PARD3: variants seen among roughly 807,000 people sequenced by gnomAD.
The protein encoded by PARD3 is par-3 family cell polarity regulator.
PARD3 carries 75 observed loss-of-function variants against 155.4 expected under a neutral mutation model. That is an observed-to-expected ratio of 0.48 (90% CI 0.40 to 0.58). The LOEUF is 0.58. Among genes scored for constraint, PARD3 ranks in the 20% least tolerant of loss-of-function variants. The pLI is 0.00. For missense variants in PARD3, 1,642 were observed against 1,721.7 expected (o/e 0.95, Z 0.82); for synonymous variants, 576 against 610.5 (o/e 0.94, Z 0.83).
intron 5 of PARD3, among the ~76,000 whole-genome samples, chr10:34,416,559 T>G (rs929302577): frequency 6.6e-6 from 1 of 152,164 alleles, no homozygotes; most frequent in Non-Finnish European, 1.5e-5. Context: ...CTCAGGCATC[T>G]TTGCACCTAC....
intron 7 of PARD3, among the ~76,000 whole-genome samples, chr10:34,396,621 A>G (rs1300965372): frequency 6.6e-6 from 1 of 152,204 alleles, no homozygotes; most frequent in Non-Finnish European, 1.5e-5. Context: ...CACTTTTATA[A>G]AAGTAAGTAT....
rs1262590058 is a variant in PARD3 at position 34,378,156 on chromosome 10, T to A, written c.1400-50A>T. 10 of 1,433,586 alleles carry A rather than the reference T, an allele frequency of 7.0e-6. No individual in the cohort carries two copies. The African/African-American group carries it at 1.5e-4, about 21-fold the overall frequency. 88.8% of individuals were successfully genotyped at this position (1,433,586 alleles called of 1,614,324 possible). ...GTAAATAAAATGAGATATCTTGAAT[T>A]TTACAGGTGTATTGCACCAGTATAC... is the stretch of plus-strand genomic sequence containing the variant. On this transcript the variant is annotated intron_variant, in intron 9 of 24. Coordinates refer to ENST00000374788, the MANE Select transcript of PARD3 (RefSeq NM_001184785.2).
At chr10:34,479,476 T>C (rs542144850) in intron 3 of PARD3, among the ~76,000 whole-genome samples, 1 of 152,338 alleles carries the variant, frequency 6.6e-6, no homozygotes, top group East Asian at 1.9e-4. Context: ...CTTTAAATTT[T>C]TTTTAAAGCA....
rs763060663 is a variant in PARD3, at chr10:34,284,265, C to T, written c.3066-20G>A. The T allele has an allele frequency of 5.6e-6, 8 of 1,428,828 alleles. No individual in the cohort carries two copies. In the East Asian group the frequency reaches 1.8e-4, roughly 33 times the overall value. The allele number at this position is 1,428,828 out of a possible 1,614,324, so 88.5% of individuals were successfully genotyped here. A position where few individuals can be genotyped will look rare whatever the true frequency, so the allele number is the denominator to read the frequency against. ...CCAAACCTGTTAATAACAAAAAATT[C>T]TAACTTGTCAATATATACAAAATGA... On this transcript the variant is annotated intron_variant, in intron 20 of 24. Transcript: ENST00000374788.
intron 1 of PARD3, among the ~76,000 whole-genome samples, chr10:34,778,846 G>A (rs1044433680): frequency 3.9e-5 from 6 of 152,260 alleles, no homozygotes; most frequent in East Asian, 3.9e-4. Context: ...TTCACCTATC[G>A]TTTCCTTAAC....
chr10:34,323,727 C>A (rs1958515798), intron 19 of PARD3, among the ~76,000 whole-genome samples: 1 of 152,204 alleles, frequency 6.6e-6, no homozygotes, highest in South Asian at 2.1e-4. Flanking sequence ...AAAATGCTCC[C>A]ACAGATAATG....
chr10:34,218,049 C>T (rs571318017), intron 22 of PARD3, among the ~76,000 whole-genome samples: 28 of 152,226 alleles, frequency 1.8e-4, no homozygotes, highest in African/African-American at 6.3e-4. Flanking sequence ...CAGGCACCTC[C>T]TGCACGCCCC....
At chr10:34,463,504 A>G (rs1564742292) in intron 4 of PARD3, among the ~76,000 whole-genome samples, 1 of 152,210 alleles carries the variant, frequency 6.6e-6, no homozygotes, top group Non-Finnish European at 1.5e-5. Flanking sequence ...ATTTTCAGTT[A>G]TATTTTTGTA....
intron 1 of PARD3, among the ~76,000 whole-genome samples, chr10:34,801,921 A>C (rs1842869320): frequency 6.6e-6 from 1 of 152,258 alleles, no homozygotes; most frequent in South Asian, 2.1e-4. Flanking sequence ...ACTAGTTAAT[A>C]AACACTAAAG....
At chr10:34,756,872 A>AT (rs1836811553) in intron 1 of PARD3, among the ~76,000 whole-genome samples, 1 of 152,134 alleles carries the variant, frequency 6.6e-6, no homozygotes, top group South Asian at 2.1e-4. Flanking sequence ...CTGCTAACAG[A>AT]TTTTTCAACC....
intron 2 of PARD3, among the ~76,000 whole-genome samples, chr10:34,654,756 C>T (rs2093117709): frequency 6.6e-6 from 1 of 152,172 alleles, no homozygotes; most frequent in Non-Finnish European, 1.5e-5. Context: ...CGCAGACACT[C>T]TGCCGTGATA....
intron 5 of PARD3, among the ~76,000 whole-genome samples, chr10:34,447,549 T>C (rs568254080): frequency 8.8e-6 from 1 of 113,846 alleles, no homozygotes; most frequent in Non-Finnish European, 1.7e-5. Context: ...ACACCTGCAA[T>C]CCCAGCACTT....
At chr10:34,561,935 T>C (rs1359140473) in intron 2 of PARD3, among the ~76,000 whole-genome samples, 4 of 150,338 alleles carry the variant, frequency 2.7e-5, no homozygotes, top group Non-Finnish European at 5.9e-5. Context: ...GGTTCAAGAC[T>C]GGCCTGGCCA....
chr10:34,602,842 T>G (rs565123324), intron 2 of PARD3, among the ~76,000 whole-genome samples: 1 of 152,250 alleles, frequency 6.6e-6, no homozygotes, highest in Non-Finnish European at 1.5e-5. Flanking sequence ...TCACTATATA[T>G]CCTCTTGAAT....
chr10:34,544,607 T>C (rs1435779046), intron 2 of PARD3, among the ~76,000 whole-genome samples: 4 of 152,170 alleles, frequency 2.6e-5, no homozygotes, highest in African/African-American at 4.8e-5. Flanking sequence ...AATGTAAATA[T>C]TCAGGCCCCA....
At chr10:34,639,855 G>GACAC (rs139829298) in intron 2 of PARD3, among the ~76,000 whole-genome samples, 10 of 150,316 alleles carry the variant, frequency 6.7e-5, no homozygotes, top group African/African-American at 9.7e-5. Context: ...AACAGAGTAA[G>GACAC]ACACACACAC....
intron 22 of PARD3, among the ~76,000 whole-genome samples, chr10:34,170,159 C>A (rs1949719250): frequency 1.3e-5 from 2 of 152,316 alleles, no homozygotes; most frequent in East Asian, 1.9e-4. Flanking sequence ...GCAATCATAG[C>A]CTACTGCAGC....
intron 2 of PARD3, among the ~76,000 whole-genome samples, chr10:34,539,845 T>C (rs1274887384): frequency 6.6e-6 from 1 of 152,176 alleles, no homozygotes; most frequent in African/African-American, 2.4e-5. Flanking sequence ...GGCGGGAGTG[T>C]GTACACCAAA....
chr10:34,651,598 C>T (rs577292907), intron 2 of PARD3, among the ~76,000 whole-genome samples: 2 of 152,336 alleles, frequency 1.3e-5, no homozygotes, highest in African/African-American at 4.8e-5. Flanking sequence ...ACCATAAGCA[C>T]TGCTGACAGA....
Sources: gnomAD v4.1 joint callset for allele counts (sites outside exome capture counted in the v4.1 genomes callset) on GRCh38, gnomAD v4.1.1 for gene constraint, MANE v1.5 for transcripts, NCBI Gene and HGNC (gene_info 2026-07-23, HGNC 2026-07-21) for gene names.